The following CMYA5 variants were observed in gnomAD, a reference collection of about 807,000 sequenced individuals.
CMYA5 encodes the protein cardiomyopathy associated 5, also known as cardiomyopathy-associated protein 5.
Under a neutral mutation model 318.9 loss-of-function variants are expected in CMYA5, and 246 were observed. The ratio of observed to expected loss-of-function variants is 0.77; its 90% CI spans 0.70 to 0.86. The LOEUF (loss-of-function observed/expected upper bound fraction) is 0.86. Among genes scored for constraint, CMYA5 ranks in the 40% least tolerant of loss-of-function variants. The pLI, the probability that CMYA5 is intolerant of heterozygous loss-of-function variation, is 0.00. For synonymous variants in CMYA5, 1,641 were observed against 1,729.5 expected, an observed-to-expected ratio of 0.95 and a Z score of 1.27; for missense variants, 4,589 against 4,678.2, an observed-to-expected ratio of 0.98 and a Z score of 0.56.
intron 9 of CMYA5, among the ~76,000 whole-genome samples, chr5:79,771,115 G>A (rs1828848555): frequency 6.6e-6 from 1 of 151,098 alleles, no homozygotes; most frequent in African/African-American, 2.4e-5. Context: ...TTTACTATGT[G>A]CCAATCACTA....
intron 1 of CMYA5, among the ~76,000 whole-genome samples, chr5:79,717,175 A>G (rs1827535459): frequency 6.6e-6 from 1 of 152,190 alleles, no homozygotes; most frequent in South Asian, 2.1e-4. Context: ...TTTTTATACT[A>G]GTTATACTTG....
chr5:79,791,009 C>T lies in CMYA5; in HGVS notation c.11729C>T (p.Ala3910Val), dbSNP rs200520501. The T allele has an allele frequency of 2.8e-5, 45 of 1,613,452 alleles. No homozygotes were observed. Among genetic ancestry groups the T allele is most frequent in the Non-Finnish European group, 6.8e-6 (8 of 1,179,732 alleles). ...FLLLRETAHPALHISSSGTVI... is the reference protein window; with the variant it reads ...FLLLRETAHPVLHISSSGTVI... ...TTGTTGAGAGAAACAGCTCATCCTG[C>T]TCTACACATTTCCTCAAGTGGGACA... The change falls in exon 11 of 13, where the codon GCT (alanine) becomes GTT (valine). Residue 3910 changes from alanine (A) to valine (V), a missense_variant. Physicochemically the swap from Ala to Val is moderately conservative, Grantham distance 64 (BLOSUM62 0). Transcript: ENST00000446378.
rs1273268085 is a variant in CMYA5 at position 79,747,112 on chromosome 5, AG to A, written c.10991+1del. ...FLTSFEEINE[R>X]LLSAMESTAS... ...TAAGTCGTTTGAGGAAATCAATGAA[AG>A]GTATATAAAACATGATACAATGTAG... On this transcript the variant is annotated frameshift_variant and splice_region_variant, in exon 5 of 13. Transcript: ENST00000446378. LOFTEE classifies it high-confidence loss of function. 6.5e-6 allele frequency: 10 copies of A among 1,545,364 alleles called. No homozygotes were observed. The East Asian group carries it at 2.2e-4, about 34-fold the overall frequency.
chr5:79,738,196 C>T lies in CMYA5; in HGVS notation c.9431C>T (p.Thr3144Ile), dbSNP rs1486132355. ...GCTGACAGGAATGTTTCAAAGGACA[C>T]AAAGAGAGATGTGGACTCAAAGTCA... ...NSADRNVSKD[T>I]KRDVDSKSPG... The change falls in exon 2 of 13, where the codon ACA becomes ATA. Residue 3144 changes from threonine (T) to isoleucine (I), a missense_variant. By Grantham distance (89) the Thr-to-Ile change is moderately conservative (BLOSUM62 -1). Transcript: ENST00000446378. The T allele has an allele frequency of 6.2e-7, 1 of 1,613,736 alleles. No individual in the cohort carries two copies. Among genetic ancestry groups the T allele is most frequent in the African/African-American group, 1.3e-5 (1 of 74,918 alleles).
chr5:79,789,159 C>A lies in CMYA5; in HGVS notation c.11689+55C>A, dbSNP rs971444370. 1.9e-6 allele frequency: 3 copies of A among 1,602,074 alleles called. No individual in the cohort carries two copies. The African/African-American group carries it at 4.0e-5, about 21-fold the overall frequency. On this transcript the variant is annotated intron_variant, in intron 10 of 12. Transcript: ENST00000446378. ...TTTCCAAGCTATTTCTTCCCTTCCA[C>A]CCCTCAGAGAAGATGTCCTAGAGGG...
At chr5:79,788,939 G>A in intron 9 of CMYA5, 32 bp from the exon 10 acceptor site, 1 of 1,602,404 alleles carries the variant, frequency 6.2e-7, no homozygotes, top group Non-Finnish European at 8.5e-7. Flanking sequence ...GTGGCATTAT[G>A]TTTAAAATTA....
intron 3 of CMYA5, among the ~76,000 whole-genome samples, chr5:79,744,706 C>A (rs1050998550): frequency 2.0e-5 from 3 of 152,226 alleles, no homozygotes; most frequent in Admixed American, 2.0e-4. Flanking sequence ...TTATTACTAG[C>A]CCCACTAGTG....
At position 79,745,154 on chromosome 5, in the gene CMYA5, C is replaced by CAA. The variant is rs35310955; in HGVS notation, c.10735-55_10735-54dup. On this transcript the variant is annotated intron_variant, in intron 3 of 12. Transcript: ENST00000446378. ...CAATTCTTTAAAAGGCTGGTGTTTC[C>CAA]AAAAAAAAAAAAAAGCAGCATTTCT... is the stretch of plus-strand genomic sequence containing the variant. 7.0e-3 allele frequency: 6,097 copies of CAA among 876,988 alleles called. 8 individuals are homozygous for CAA. Among genetic ancestry groups the CAA allele is most frequent in the African/African-American group, 0.019 (1,029 of 53,648 alleles). 54.3% of individuals were successfully genotyped at this position (876,988 alleles called of 1,614,324 possible).
chr5:79,789,776 G>T (rs1463025261), intron 10 of CMYA5, among the ~76,000 whole-genome samples: 1 of 152,120 alleles, frequency 6.6e-6, no homozygotes, highest in Non-Finnish European at 1.5e-5. Flanking sequence ...TGTGGATATG[G>T]TGTGTGTATG....
Position 79,734,222 on chromosome 5 carries a change from A to G in CMYA5, c.5457A>G (p.Val1819=), listed in dbSNP as rs4639193. 0.42 allele frequency: 673,389 copies of G among 1,613,310 alleles called. 150,623 individuals carry two copies. Among genetic ancestry groups the G allele is most frequent in the African/African-American group, 0.83 (61,969 of 74,942 alleles). Residue 1819 remains valine (V), a synonymous_variant, in exon 2 of 13, where the codon GTA becomes GTG. Transcript: ENST00000446378. Reference sequence around the variant, plus strand: ...AGATTGCTCCTTCTGACCTCCTTGTAGAACAAAAAAAGACAGAAAAAGCAC... The same window carrying G: ...AGATTGCTCCTTCTGACCTCCTTGTGGAACAAAAAAAGACAGAAAAAGCAC... The part of the protein sequence containing the change: ...PSKIAPSDLL[V]EQKKTEKALH...
intron 1 of CMYA5, among the ~76,000 whole-genome samples, chr5:79,724,017 C>T (rs2151082383): frequency 6.6e-6 from 1 of 152,038 alleles, no homozygotes; most frequent in Non-Finnish European, 1.5e-5. Flanking sequence ...TCCATAGTTT[C>T]ATAAAAAATT....
chr5:79,693,519 T>C (rs1045116992), intron 1 of CMYA5, among the ~76,000 whole-genome samples: 6 of 151,966 alleles, frequency 3.9e-5, no homozygotes, highest in African/African-American at 1.5e-4. Context: ...TTTTTGTATT[T>C]TTATAAGAGA....
Position 79,740,443 on chromosome 5 carries a change from A to G in CMYA5, c.10638+1040A>G, listed in dbSNP as rs140914284. ...GCAGTTTCCTTCCTATTTATCTACA[A>G]TATCATCCTTTAAAGAGACACATTT... On this transcript the variant is annotated intron_variant, in intron 2 of 12. Coordinates refer to ENST00000446378, the MANE Select transcript of CMYA5 (RefSeq NM_153610.5). 4.5e-3 allele frequency among the ~76,000 whole-genome samples: 679 copies of G among 152,346 alleles called. 2 individuals carry two copies. Among genetic ancestry groups the G allele is most frequent in the African/African-American group, 0.015 (644 of 41,592 alleles).
chr5:79,735,683 A>G lies in CMYA5; in HGVS notation c.6918A>G (p.Val2306=), dbSNP rs1828044787. ...CAGAGGAAATGAACATAAACTCAGTAGTTACTTCTGCTGATGGTGAGAACC... is the reference window on the plus strand; with the variant it reads ...CAGAGGAAATGAACATAAACTCAGTGGTTACTTCTGCTGATGGTGAGAACC... ...GDSEEMNINS[V]VTSADGENLE... The change falls in exon 2 of 13, where the codon GTA becomes GTG. Residue 2306 remains valine (V), a synonymous_variant. Coordinates refer to ENST00000446378, the MANE Select transcript of CMYA5 (RefSeq NM_153610.5). 6.2e-7 allele frequency: 1 copy of G among 1,608,374 alleles called. No individual in the cohort carries two copies. The highest frequency in any genetic ancestry group is 1.3e-5 in the African/African-American group (1 of 74,574).
chr5:79,762,190 A>T lies in CMYA5; in HGVS notation c.11407+233A>T, dbSNP rs142580170. On this transcript the variant is annotated intron_variant, in intron 8 of 12. Coordinates refer to ENST00000446378, the MANE Select transcript of CMYA5 (RefSeq NM_153610.5). ...AAAATGTGTGGTAAGGGCCATATCC[A>T]GATATACACAGGTTATTATGAGAAC... The T allele has an allele frequency of 1.5e-3, 649 of 445,366 alleles. 4 individuals carry two copies. Among genetic ancestry groups the T allele is most frequent in the African/African-American group, 0.011 (583 of 51,688 alleles). 27.6% of individuals were successfully genotyped at this position (445,366 alleles called of 1,614,324 possible). A position where few individuals can be genotyped will look rare whatever the true frequency, so the allele number is the denominator to read the frequency against.
chr5:79,790,549 G>T (rs981601385), intron 10 of CMYA5, among the ~76,000 whole-genome samples: 2 of 152,182 alleles, frequency 1.3e-5, no homozygotes, highest in African/African-American at 2.4e-5. Context: ...GATTACAGGC[G>T]TGAGCCACCT....
intron 9 of CMYA5, among the ~76,000 whole-genome samples, chr5:79,764,309 T>C (rs2071391987): frequency 1.3e-5 from 2 of 152,200 alleles, no homozygotes; most frequent in Admixed American, 6.5e-5. Flanking sequence ...GCTTCATCCA[T>C]GTCCCTGCAA....
intron 9 of CMYA5, among the ~76,000 whole-genome samples, chr5:79,778,493 A>G (rs1828985964): frequency 6.6e-6 from 1 of 152,106 alleles, no homozygotes; most frequent in South Asian, 2.1e-4. Context: ...TTAACTGTGC[A>G]TTTCTTTTAT....
At chr5:79,755,928 GAGA>G (rs1484096872) in intron 6 of CMYA5, among the ~76,000 whole-genome samples, 9 of 152,202 alleles carry the variant, frequency 5.9e-5, no homozygotes, top group Non-Finnish European at 7.3e-5. Context: ...GAGAAAGAGA[GAGA>G]AATGTGAAAG....
Sources: allele counts gnomAD v4.1 joint callset (sites outside exome capture counted in the v4.1 genomes callset), GRCh38; gene constraint gnomAD v4.1.1; transcripts MANE v1.5; gene names NCBI Gene and HGNC (gene_info 2026-07-23, HGNC 2026-07-21).